Variants in RHPN1 observed in about 807,000 individuals in gnomAD.
RHPN1 encodes rhophilin Rho GTPase binding protein 1.
Under a neutral mutation model 74.7 loss-of-function variants are expected in RHPN1, and 77 were observed. The observed-to-expected ratio is 1.03, with a 90% CI of 0.86 to 1.25. The LOEUF is 1.25. Ranked by LOEUF, RHPN1 falls within the 50% of genes most tolerant of loss-of-function variation. The probability of loss-of-function intolerance (pLI) is 0.00; values close to 1 mark genes in which losing one functional copy is unlikely to be tolerated. For missense variants in RHPN1, 987 were observed against 932.2 expected, an observed-to-expected ratio of 1.06 and a Z score of -0.77; for synonymous variants, 444 against 414.5, an observed-to-expected ratio of 1.07 and a Z score of -0.87.
At position 143,375,712 on chromosome 8, in the gene RHPN1, G is replaced by T. The variant is rs776546421; in HGVS notation, c.176+44G>T. Reference sequence around the variant, plus strand: ...CCGGCCCCGGGAGCAGGGCCCACCTGGGTGAGGGGGGCAGGACAGCCACGC... The same window carrying T: ...CCGGCCCCGGGAGCAGGGCCCACCTTGGTGAGGGGGGCAGGACAGCCACGC... On this transcript the variant is annotated intron_variant, in intron 2 of 14. Coordinates refer to ENST00000289013, the MANE Select transcript of RHPN1 (RefSeq NM_052924.3). The T allele has an allele frequency of 4.2e-6, 6 of 1,440,730 alleles. No individual in the cohort carries two copies. In the Admixed American group the frequency reaches 1.2e-4, roughly 29 times the overall value. The allele number at this position is 1,440,730 out of a possible 1,614,324, so 89.2% of individuals were successfully genotyped here.
chr8:143,379,362 G>T lies in RHPN1; in HGVS notation c.799G>T (p.Asp267Tyr), dbSNP rs1216005285. 1.9e-6 allele frequency: 3 copies of T among 1,604,654 alleles called. No homozygotes were observed. The highest frequency in any genetic ancestry group is 2.6e-6 in the Non-Finnish European group (3 of 1,175,808). Residue 267 changes from aspartate (D) to tyrosine (Y), a missense_variant, in exon 8 of 15, where the codon GAC (aspartate) becomes TAC (tyrosine). Asp to Tyr is a radical substitution (Grantham distance 160). Transcript: ENST00000289013. ...RENFSHAPSPDMSAASLCALE... is the reference protein window; with the variant it reads ...RENFSHAPSPYMSAASLCALE... ...GAACTTCTCCCATGCGCCGAGCCCA[G>T]ACATGAGCGCTGCGTCCCTCTGCGC...
rs1316358558 is a variant in RHPN1, at chr8:143,378,583, A to G, written c.460-113A>G. 36 of 1,391,412 alleles carry G rather than the reference A, an allele frequency of 2.6e-5. No homozygotes were observed. The East Asian group carries it at 8.0e-4, about 31-fold the overall frequency. 86.2% of individuals were successfully genotyped at this position (1,391,412 alleles called of 1,614,324 possible). A position where few individuals can be genotyped will look rare whatever the true frequency, so the allele number is the denominator to read the frequency against. On this transcript the variant is annotated intron_variant, in intron 5 of 14. Coordinates refer to ENST00000289013, the MANE Select transcript of RHPN1 (RefSeq NM_052924.3). The stretch of plus-strand genomic sequence containing the variant: ...GGGAGTCACGGCTGCCCAGGGCCCC[A>G]CTGGCTTTGCCTCCCCGCCCCCCAT...
chr8:143,369,673 C>G (rs1817696321), intron 1 of RHPN1, among the ~76,000 whole-genome samples: 1 of 152,112 alleles, frequency 6.6e-6, no homozygotes, highest in Middle Eastern at 3.2e-3. Flanking sequence ...TGCTCTGCAG[C>G]CCAGAGCCTG....
In RHPN1 at chr8:143,383,895, C is replaced by G. The variant is rs906302168; in HGVS notation, c.*1244C>G. 1 of 152,358 alleles carries G rather than the reference C, an allele frequency of 6.6e-6. No homozygotes were observed. The highest frequency in any genetic ancestry group is 2.4e-5 in the African/African-American group (1 of 41,458). 9.4% of individuals were successfully genotyped at this position (152,358 alleles called of 1,614,324 possible). A position where few individuals can be genotyped will look rare whatever the true frequency, so the allele number is the denominator to read the frequency against. ...AGACCCCTGCCCTCTTGTCCAGTCCCTTCCGAGGGTCCGCAGGTGAGAGCA... is the reference window on the plus strand; with the variant it reads ...AGACCCCTGCCCTCTTGTCCAGTCCGTTCCGAGGGTCCGCAGGTGAGAGCA... On this transcript the variant is annotated 3_prime_UTR_variant, in exon 15 of 15. Transcript: ENST00000289013.
chr8:143,373,687 G>A (rs1354129591), intron 1 of RHPN1, among the ~76,000 whole-genome samples: 1 of 118,158 alleles, frequency 8.5e-6, no homozygotes, highest in East Asian at 2.3e-4. Context: ...GGGATGGCGC[G>A]GGTTCCAGGG....
chr8:143,364,890 T>C (rs976950226), upstream of RHPN1, among the ~76,000 whole-genome samples: 3 of 152,198 alleles, frequency 2.0e-5, no homozygotes, highest in East Asian at 3.8e-4. This position sits in a 1 kb window ranked among gnomAD's most constrained non-coding sequence, Gnocchi z 4.5. Flanking sequence ...ATTACCACCA[T>C]TGATGAAGGC....
At chr8:143,366,477 T>C (rs918232280), upstream of RHPN1, among the ~76,000 whole-genome samples, 3 of 151,454 alleles carry the variant, frequency 2.0e-5, no homozygotes, top group Admixed American at 6.6e-5. Context: ...CACAGAAGCA[T>C]GCAAAGAAAA....
At chr8:143,380,497 G>T in intron 10 of RHPN1, 92 bp from the exon 11 acceptor site, 1 of 1,209,760 alleles carries the variant, frequency 8.3e-7, no homozygotes, top group South Asian at 1.6e-5. Flanking sequence ...GCTGTGATGA[G>T]CCCCACAGCC....
At chr8:143,367,944 C>T (rs1316363384), upstream of RHPN1, 2 of 152,322 alleles carry the variant, frequency 1.3e-5, no homozygotes, top group African/African-American at 4.8e-5. Context: ...GGGTGAGCCC[C>T]GCAGGGAGCT....
intron 12 of RHPN1, 36 bp downstream of exon 12, chr8:143,381,380 G>A (rs1231201947): frequency 2.5e-6 from 4 of 1,569,502 alleles, no homozygotes; most frequent in South Asian, 1.2e-5. Flanking sequence ...GCCCAGCATG[G>A]GCAGCTTGGG....
chr8:143,369,415 C>A (rs986046190), intron 1 of RHPN1, among the ~76,000 whole-genome samples: 1 of 152,216 alleles, frequency 6.6e-6, no homozygotes, highest in African/African-American at 2.4e-5. Context: ...TTCCCTAGTT[C>A]GGTCCTCCCT....
chr8:143,380,553 C>T, intron 10 of RHPN1, 36 bp from the exon 11 acceptor site: 1 of 1,453,722 alleles, frequency 6.9e-7, no homozygotes, highest in Non-Finnish European at 9.1e-7. Context: ...CCCACGGGCC[C>T]ACATGGTGTG....
At chr8:143,381,415 G>T in intron 12 of RHPN1, 71 bp downstream of exon 12, 2 of 1,490,710 alleles carry the variant, frequency 1.3e-6, no homozygotes, top group Non-Finnish European at 1.8e-6. Context: ...CCAGCACATG[G>T]CCTCAGACAG....
chr8:143,364,370 G>A (rs1817536685), upstream of RHPN1, among the ~76,000 whole-genome samples: 2 of 151,952 alleles, frequency 1.3e-5, no homozygotes, highest in African/African-American at 4.8e-5. This position sits in a 1 kb window ranked among gnomAD's most constrained non-coding sequence, Gnocchi z 4.5. Context: ...GCACCCAGGA[G>A]GGACATGAGC....
At chr8:143,369,999 G>T (rs954064837) in intron 1 of RHPN1, among the ~76,000 whole-genome samples, 5 of 152,216 alleles carry the variant, frequency 3.3e-5, no homozygotes, top group Non-Finnish European at 7.4e-5. Context: ...ACCCCGAGGC[G>T]TGCCAGAGGC....
chr8:143,382,435 G>A lies in RHPN1; in HGVS notation c.1798-1G>A, dbSNP rs1275378499. On this transcript the variant is annotated splice_acceptor_variant, in intron 14 of 14. Transcript: ENST00000289013. LOFTEE classifies it high-confidence loss of function. The stretch of plus-strand genomic sequence containing the variant: ...ACAGTCTGTCTCTGTCCCTGCTGCA[G>A]GGGGACCGCCGGCCCGTCCTGCTGG... The A allele has an allele frequency of 1.3e-6, 2 of 1,557,942 alleles. No individual in the cohort carries two copies. The highest frequency in any genetic ancestry group is 1.7e-6 in the Non-Finnish European group (2 of 1,151,884).
At chr8:143,367,954 T>A (rs773645976), upstream of RHPN1, 2 of 152,382 alleles carry the variant, frequency 1.3e-5, no homozygotes, top group Non-Finnish European at 2.9e-5. Context: ...CGCAGGGAGC[T>A]GTGCAGTCTC....
In RHPN1 at chr8:143,376,600, G is replaced by T; in HGVS notation, c.252G>T (p.Leu84=). Residue 84 remains leucine, a synonymous_variant, in exon 3 of 15, where the codon CTG becomes CTT. Coordinates refer to ENST00000289013, the MANE Select transcript of RHPN1 (RefSeq NM_052924.3). ...LSYVNSNLQL[L]KEELEELSGG... is the part of the protein sequence containing the mutation. ...ACGTCAACTCCAACCTGCAGCTGCT[G>T]AAGGAGGAGCTGGAGGAGCTCAGCG... 6.2e-7 allele frequency: 1 copy of T among 1,602,176 alleles called. No individual in the cohort carries two copies. The highest frequency in any genetic ancestry group is 1.3e-5 in the African/African-American group (1 of 74,762).
intron 3 of RHPN1, 84 bp downstream of exon 3, chr8:143,376,737 G>C: frequency 6.9e-7 from 1 of 1,445,276 alleles, no homozygotes; most frequent in Non-Finnish European, 9.4e-7. Flanking sequence ...ACGCATGTGT[G>C]TCTCTGTGTG....
Sources: allele counts gnomAD v4.1 joint callset (sites outside exome capture counted in the v4.1 genomes callset), GRCh38; gene constraint gnomAD v4.1.1; non-coding constraint Gnocchi (gnomAD v3.1); transcripts MANE v1.5; gene names NCBI Gene and HGNC (gene_info 2026-07-23, HGNC 2026-07-21).